Variants in SEC24B observed in about 807,000 individuals in gnomAD.
SEC24B encodes the protein protein transport protein Sec24B.
SEC24B carries 45 observed loss-of-function variants against 142.8 expected under a neutral mutation model. That is an observed-to-expected ratio of 0.32 (90% CI 0.25 to 0.40). The LOEUF is 0.40. Ranked by LOEUF, SEC24B falls within the 10% of genes least tolerant of loss-of-function variation. The pLI is 1.00. For missense variants in SEC24B, 1,409 were observed against 1,526.8 expected (o/e 0.92, Z 1.29); for synonymous variants, 574 against 568.2 (o/e 1.01, Z -0.15).
intron 11 of SEC24B, 100 bp from the exon 12 acceptor site, chr4:109,520,266 T>C: frequency 1.4e-6 from 1 of 729,140 alleles, no homozygotes; most frequent in Non-Finnish European, 2.4e-6. Flanking sequence ...GAAAAGCATA[T>C]GTGTAATTAT....
intron 17 of SEC24B, 59 bp from the exon 18 acceptor site, chr4:109,527,263 T>G: frequency 3.6e-5 from 39 of 1,085,320 alleles, no homozygotes; most frequent in Non-Finnish European, 5.1e-5. Context: ...GTATTTGACA[T>G]GTTTGCTTTG....
chr4:109,487,862 T>TA (rs1162770260), intron 4 of SEC24B, among the ~76,000 whole-genome samples: 2 of 152,138 alleles, frequency 1.3e-5, no homozygotes, highest in African/African-American at 4.8e-5. Flanking sequence ...CAAAATAGAA[T>TA]AAAAAAATTA....
At position 109,463,593 on chromosome 4, in the gene SEC24B, C is replaced by A. The variant is rs761893417; in HGVS notation, c.826C>A (p.Arg276=). The part of the protein sequence containing the change: ...GLPSTQDNLI[R]NHTGSLAVAN... ...TCCATCGACTCAAGACAATCTCATC[C>A]GAAACCACACAGGATCCCTGGCTGT... is the stretch of plus-strand genomic sequence containing the variant. Residue 276 remains arginine, a synonymous_variant, in exon 2 of 24, where the codon CGA becomes AGA. Coordinates refer to ENST00000265175, the MANE Select transcript of SEC24B (RefSeq NM_006323.5). 2 of 1,614,104 alleles carry A rather than the reference C, an allele frequency of 1.2e-6. No homozygotes were observed. Among genetic ancestry groups the A allele is most frequent in the South Asian group, 2.2e-5 (2 of 91,078 alleles).
chr4:109,513,597 C>G, intron 9 of SEC24B, 150 bp from the exon 10 acceptor site: 1 of 557,058 alleles, frequency 1.8e-6, no homozygotes, highest in East Asian at 3.1e-5. Context: ...TTAAGGAGGG[C>G]TTAAGGGATT....
chr4:109,524,688 C>T, intron 14 of SEC24B, 130 bp from the exon 15 acceptor site: 1 of 689,796 alleles, frequency 1.4e-6, no homozygotes, highest in South Asian at 2.8e-5. Context: ...GGAATCTGCA[C>T]CAAATGCCTA....
rs1561116278 is a variant in SEC24B, at chr4:109,482,935, A to AATATATAT, written c.1165+1154_1165+1155insATATATAT. On this transcript the variant is annotated intron_variant, in intron 4 of 23. Transcript: ENST00000265175. ...GCATGAGCTACCTTGCCAGGCTTGT[A>AATATATAT]CTATATATATATATATATATATATA... 1.8e-3 allele frequency among the ~76,000 whole-genome samples: 67 copies of AATATATAT among 37,522 alleles called. 12 individuals carry two copies. The highest frequency in any genetic ancestry group is 2.4e-3 in the Non-Finnish European group (47 of 19,582). 24.6% of individuals were successfully genotyped at this position (37,522 alleles called of 152,430 possible).
At position 109,506,472 on chromosome 4, in the gene SEC24B, A is replaced by G. The variant is rs1736702514; in HGVS notation, c.1633A>G (p.Asn545Asp). ...GACTCCTGTTTGGGCTCCTGTACCT[A>G]ACTTGAATGCAGACCTCAAAAAATT... ...PMTPVWAPVP[N>D]LNADLKKLNC... Residue 545 changes from asparagine (N) to aspartate (D), a missense_variant, in exon 7 of 24, where the codon AAC (asparagine) becomes GAC (aspartate). Physicochemically the swap from Asn to Asp is conservative, Grantham distance 23. Around this residue, in one of 2 missense-constraint regions of SEC24B, gnomAD observed 709 missense variants for 673.5 expected, o/e 1.05. Transcript: ENST00000265175. The G allele has an allele frequency of 2.5e-6, 4 of 1,598,286 alleles. No homozygotes were observed. The highest frequency in any genetic ancestry group is 2.6e-6 in the Non-Finnish European group (3 of 1,173,000).
intron 3 of SEC24B, among the ~76,000 whole-genome samples, chr4:109,479,553 T>C (rs1285661762): frequency 6.6e-6 from 1 of 152,170 alleles, no homozygotes; most frequent in East Asian, 1.9e-4. Context: ...TTGTAGTCTG[T>C]ATGTGCTATA....
At chr4:109,509,678 G>GA (rs1020221678) in intron 7 of SEC24B, among the ~76,000 whole-genome samples, 660 of 46,200 alleles carry the variant, frequency 0.014, no homozygotes, top group Middle Eastern at 0.029. Context: ...CTCCATCTCA[G>GA]AAAAAAAAAA....
chr4:109,464,497 C>T (rs1406896286), intron 2 of SEC24B, among the ~76,000 whole-genome samples: 1 of 152,150 alleles, frequency 6.6e-6, no homozygotes, highest in Admixed American at 6.5e-5. Flanking sequence ...TGGTCTCGAA[C>T]ACGCGAGCTA....
rs374527034 is a variant in SEC24B, at chr4:109,481,706, C to G, written c.1090C>G (p.Gln364Glu). 37 of 1,613,356 alleles carry G rather than the reference C, an allele frequency of 2.3e-5. No individual in the cohort carries two copies. The highest frequency in any genetic ancestry group is 8.5e-7 in the Non-Finnish European group (1 of 1,179,568). Reference protein sequence around the residue: ...GVQYGEYVNNQASSAPTPLSS... With the variant: ...GVQYGEYVNNEASSAPTPLSS... The stretch of plus-strand genomic sequence containing the variant: ...GCAGTATGGTGAATATGTTAATAAC[C>G]AAGCTAGCTCCGCACCAACTCCCTT... The change falls in exon 4 of 24, where the codon CAA (glutamine) becomes GAA (glutamate). Residue 364 changes from glutamine to glutamate, a missense_variant. This residue lies in a region of SEC24B where 709 missense variants were observed against 673.5 expected (regional missense o/e 1.05). Coordinates refer to ENST00000265175, the MANE Select transcript of SEC24B (RefSeq NM_006323.5).
chr4:109,532,662 G>T lies in SEC24B; in HGVS notation c.3414G>T (p.Arg1138Ser), dbSNP rs767469716. Residue 1138 changes from arginine (R) to serine (S), a missense_variant, in exon 21 of 24, where the codon AGG becomes AGT. Physicochemically the swap from Arg to Ser is moderately radical, Grantham distance 110 (BLOSUM62 -1). Coordinates refer to ENST00000265175, the MANE Select transcript of SEC24B (RefSeq NM_006323.5). Reference protein sequence around the residue: ...TDEGAVHVNDRIVPQPPLQKL... With the variant: ...TDEGAVHVNDSIVPQPPLQKL... ...AGGGTGCAGTACATGTTAATGACAGGATTGTACCACAGCCACCTCTTCAAA... is the reference window on the plus strand; with the variant it reads ...AGGGTGCAGTACATGTTAATGACAGTATTGTACCACAGCCACCTCTTCAAA... The T allele has an allele frequency of 1.2e-6, 2 of 1,613,484 alleles. No individual in the cohort carries two copies. The highest frequency in any genetic ancestry group is 1.7e-6 in the Non-Finnish European group (2 of 1,179,494).
intron 10 of SEC24B, among the ~76,000 whole-genome samples, chr4:109,515,217 C>T (rs1469090607): frequency 6.6e-6 from 1 of 152,110 alleles, no homozygotes; most frequent in Non-Finnish European, 1.5e-5. Context: ...TCTCCTGCCT[C>T]AGCCTTCCGA....
chr4:109,456,340 T>C (rs927722012), intron 1 of SEC24B, among the ~76,000 whole-genome samples: 1 of 149,656 alleles, frequency 6.7e-6, no homozygotes, highest in Admixed American at 6.6e-5. Flanking sequence ...TTTTGTTTTT[T>C]TTTTTTTTTT....
In SEC24B at chr4:109,525,387, C is replaced by A. The variant is rs1561178819; in HGVS notation, c.2674C>A (p.Pro892Thr). The part of the protein sequence containing the change: ...KYSAGCIYYY[P>T]SFHYTHNPSQ... ...TTCTGCAGGGTGCATCTATTATTAT[C>A]CATCATTCCACTATACTCACAATCC... The change falls in exon 16 of 24, where the codon CCA becomes ACA. Residue 892 changes from proline to threonine, a missense_variant. Pro to Thr is a conservative substitution (Grantham distance 38). Transcript: ENST00000265175. The A allele has an allele frequency of 6.2e-7, 1 of 1,610,162 alleles. No homozygotes were observed. Among genetic ancestry groups the A allele is most frequent in the African/African-American group, 1.3e-5 (1 of 74,920 alleles).
Position 109,521,056 on chromosome 4 carries a change from A to G in SEC24B, c.2246-61A>G. 5.5e-6 allele frequency: 6 copies of G among 1,083,830 alleles called. No individual in the cohort carries two copies. In the South Asian group the frequency reaches 8.0e-5, roughly 15 times the overall value. The allele number at this position is 1,083,830 out of a possible 1,614,324, so 67.1% of individuals were successfully genotyped here. A position where few individuals can be genotyped will look rare whatever the true frequency, so the allele number is the denominator to read the frequency against. On this transcript the variant is annotated intron_variant, in intron 12 of 23. Coordinates refer to ENST00000265175, the MANE Select transcript of SEC24B (RefSeq NM_006323.5). ...TTACATGTATGACCTGATAAAAACT[A>G]AGATTTTCTAATGTATTCTTTTGTT...
At chr4:109,490,508 A>G (rs773508781) in intron 4 of SEC24B, among the ~76,000 whole-genome samples, 1 of 152,094 alleles carries the variant, frequency 6.6e-6, no homozygotes, top group African/African-American at 2.4e-5. Context: ...ACATAATAGA[A>G]GGATCATGCA....
intron 23 of SEC24B, among the ~76,000 whole-genome samples, chr4:109,539,118 C>G (rs574130427): frequency 2.0e-5 from 3 of 152,052 alleles, no homozygotes; most frequent in African/African-American, 4.8e-5. Flanking sequence ...CCCACCACCA[C>G]GCCCAGCTAA....
intron 6 of SEC24B, among the ~76,000 whole-genome samples, chr4:109,502,350 GA>G: frequency 6.6e-6 from 1 of 152,258 alleles, no homozygotes; most frequent in South Asian, 2.1e-4. Context: ...TACATATTTA[GA>G]AAATCATTTG....
Sources: gnomAD v4.1 joint callset for allele counts (sites outside exome capture counted in the v4.1 genomes callset) on GRCh38, gnomAD v4.1.1 for gene constraint, gnomAD v4.1.1 regional missense constraint, MANE v1.5 for transcripts, NCBI Gene and HGNC (gene_info 2026-07-23, HGNC 2026-07-21) for gene names.